CA8: variants seen among roughly 807,000 people sequenced by gnomAD.
CA8 encodes carbonic anhydrase 8 (inactive), also known as carbonic anhydrase-related protein.
Under a neutral mutation model 41.4 loss-of-function variants are expected in CA8, and 22 were observed. That is an observed-to-expected ratio of 0.53 (90% CI 0.38 to 0.76). The LOEUF (loss-of-function observed/expected upper bound fraction) is 0.76. CA8 is among the 30% of genes least tolerant of loss of function. The pLI is 0.00. For synonymous variants in CA8, 121 were observed against 130.6 expected (o/e 0.93, Z 0.50); for missense variants, 270 against 352.8 (o/e 0.77, Z 1.88).
At chr8:60,226,403 T>C (rs1203334688) in intron 5 of CA8, among the ~76,000 whole-genome samples, 3 of 152,108 alleles carry the variant, frequency 2.0e-5, no homozygotes, top group East Asian at 1.9e-4. Flanking sequence ...ACTGTACCAA[T>C]TGGAACAGAT....
intron 6 of CA8, among the ~76,000 whole-genome samples, chr8:60,224,277 C>T (rs1585872150): frequency 6.6e-6 from 1 of 152,160 alleles, no homozygotes; most frequent in African/African-American, 2.4e-5. Flanking sequence ...ATGCTTTACA[C>T]AGAGGTAGCA....
intron 3 of CA8, among the ~76,000 whole-genome samples, chr8:60,233,294 A>G (rs1433164262): frequency 6.6e-6 from 1 of 152,190 alleles, no homozygotes; most frequent in Admixed American, 6.5e-5. Flanking sequence ...TTCAACCACT[A>G]TTTATTTTAG....
chr8:60,199,372 C>G (rs1377339566), intron 8 of CA8, among the ~76,000 whole-genome samples: 2 of 152,040 alleles, frequency 1.3e-5, no homozygotes, highest in Non-Finnish European at 2.9e-5. Context: ...GATTAAAGAA[C>G]TTCTTGAGAT....
At chr8:60,254,234 G>A (rs1247166002) in intron 3 of CA8, among the ~76,000 whole-genome samples, 1 of 152,116 alleles carries the variant, frequency 6.6e-6, no homozygotes, top group African/African-American at 2.4e-5. Flanking sequence ...TTTGCTGAAT[G>A]GTATATGCCA....
In CA8 at chr8:60,189,840, A is replaced by C. The variant is rs981803735; in HGVS notation, c.*181T>G. ...ACAGCCATTTCTAATATTTCATTTC[A>C]GCAAGTGTACAGGCAACCATCACAG... On this transcript the variant is annotated 3_prime_UTR_variant, in exon 9 of 9. Coordinates refer to ENST00000317995, the MANE Select transcript of CA8 (RefSeq NM_004056.6). 1 of 152,542 alleles carries C rather than the reference A, an allele frequency of 6.6e-6. No individual in the cohort carries two copies. The highest frequency in any genetic ancestry group is 2.4e-5 in the African/African-American group (1 of 41,458). The allele number at this position is 152,542 out of a possible 1,614,324, so 9.4% of individuals were successfully genotyped here. A position where few individuals can be genotyped will look rare whatever the true frequency, so the allele number is the denominator to read the frequency against.
intron 2 of CA8, among the ~76,000 whole-genome samples, chr8:60,268,428 C>G (rs961777791): frequency 6.6e-6 from 1 of 152,180 alleles, no homozygotes; most frequent in African/African-American, 2.4e-5. Context: ...CAGCTTGTAG[C>G]TGGTCTTGAC....
intron 3 of CA8, among the ~76,000 whole-genome samples, chr8:60,249,731 T>C (rs1034231146): frequency 3.9e-5 from 6 of 152,136 alleles, no homozygotes; most frequent in African/African-American, 1.4e-4. Flanking sequence ...ATGAAGAATA[T>C]AAACCAACTA....
Position 60,222,897 on chromosome 8 carries a change from C to T in CA8, c.626-136G>A, listed in dbSNP as rs925736901. 8.5e-6 allele frequency: 6 copies of T among 705,768 alleles called. No homozygotes were observed. In the East Asian group the frequency reaches 1.6e-4, roughly 19 times the overall value. The allele number at this position is 705,768 out of a possible 1,614,324, so 43.7% of individuals were successfully genotyped here. ...ATGGATGTCATTTTTAAACTAGAGC[C>T]CCACAGTCTTACACTACTCATTGTG... On this transcript the variant is annotated intron_variant, in intron 6 of 8. Transcript: ENST00000317995.
At chr8:60,210,303 T>C (rs1196770132) in intron 7 of CA8, among the ~76,000 whole-genome samples, 1 of 152,220 alleles carries the variant, frequency 6.6e-6, no homozygotes, top group East Asian at 1.9e-4. Context: ...CAAGGGATTA[T>C]ATCCACAAAG....
In CA8 at chr8:60,186,518, G is replaced by A. The variant is rs558602075; in HGVS notation, c.*3503C>T. On this transcript the variant is annotated 3_prime_UTR_variant, in exon 9 of 9. Transcript: ENST00000317995. ...ACAACAAAAAGATACAAGACATGTGGAAAACAAAAAGTAAAATGGCAGACA... is the reference window on the plus strand; with the variant it reads ...ACAACAAAAAGATACAAGACATGTGAAAAACAAAAAGTAAAATGGCAGACA... 6.6e-6 allele frequency among the ~76,000 whole-genome samples: 1 copy of A among 151,396 alleles called. No homozygotes were observed. The highest frequency in any genetic ancestry group is 2.4e-5 in the African/African-American group (1 of 41,366).
chr8:60,235,311 C>G (rs1807792211), intron 3 of CA8, among the ~76,000 whole-genome samples: 2 of 152,150 alleles, frequency 1.3e-5, no homozygotes, highest in Non-Finnish European at 2.9e-5. Flanking sequence ...GTCCAAATTT[C>G]CTCTTCTTAT....
At chr8:60,239,206 T>A (rs1480643412) in intron 3 of CA8, among the ~76,000 whole-genome samples, 1 of 152,100 alleles carries the variant, frequency 6.6e-6, no homozygotes, top group Non-Finnish European at 1.5e-5. Flanking sequence ...TGGGCTCAGG[T>A]GATCCTCTCA....
At chr8:60,191,095 C>T (rs549850485) in intron 8 of CA8, among the ~76,000 whole-genome samples, 16 of 151,264 alleles carry the variant, frequency 1.1e-4, no homozygotes, top group Non-Finnish European at 2.2e-4. Context: ...TTTCCTGCTC[C>T]CACTCTACCA....
intron 4 of CA8, among the ~76,000 whole-genome samples, chr8:60,227,442 G>A (rs1358243798): frequency 5.3e-5 from 8 of 152,130 alleles, no homozygotes; most frequent in East Asian, 3.8e-4. Flanking sequence ...TATTAGTTAC[G>A]TAAATGTCCA....
chr8:60,281,000 A>C, intron 1 of CA8, 48 bp downstream of exon 1: 2 of 1,417,840 alleles, frequency 1.4e-6, no homozygotes, highest in Non-Finnish European at 2.0e-6. Context: ...TCGGCGAGAC[A>C]CTGACGCCGC....
chr8:60,194,862 A>G (rs1167573002), intron 8 of CA8, among the ~76,000 whole-genome samples: 1 of 152,166 alleles, frequency 6.6e-6, no homozygotes, highest in East Asian at 1.9e-4. Context: ...TTAAAAAAAA[A>G]TCTCTTTCCT....
At chr8:60,191,629 C>T (rs1806134070) in intron 8 of CA8, among the ~76,000 whole-genome samples, 1 of 152,108 alleles carries the variant, frequency 6.6e-6, no homozygotes, top group African/African-American at 2.4e-5. Context: ...TGAACAGTCA[C>T]CTCTTGATTT....
intron 4 of CA8, among the ~76,000 whole-genome samples, chr8:60,229,650 G>A (rs1037563217): frequency 1.3e-5 from 2 of 152,116 alleles, no homozygotes; most frequent in African/African-American, 2.4e-5. Context: ...CTGCTGGTAC[G>A]TGCTCTCATT....
At chr8:60,233,366 C>G (rs1403480606) in intron 3 of CA8, among the ~76,000 whole-genome samples, 1 of 152,164 alleles carries the variant, frequency 6.6e-6, no homozygotes, top group African/African-American at 2.4e-5. Flanking sequence ...GATTTTTCCA[C>G]TGCTGAATTT....
Sources: gnomAD v4.1 joint callset for allele counts (sites outside exome capture counted in the v4.1 genomes callset) on GRCh38, gnomAD v4.1.1 for gene constraint, MANE v1.5 for transcripts, NCBI Gene and HGNC (gene_info 2026-07-23, HGNC 2026-07-21) for gene names.